MYCBP2: variants seen among roughly 807,000 people sequenced by gnomAD.
MYCBP2 encodes MYC binding protein 2, also known as E3 ubiquitin-protein ligase MYCBP2.
MYCBP2 carries 120 observed loss-of-function variants against 525.3 expected under a neutral mutation model. The observed-to-expected ratio is 0.23, with a 90% CI of 0.20 to 0.27. The LOEUF (loss-of-function observed/expected upper bound fraction) is 0.27. MYCBP2 is among the 10% of genes least tolerant of loss of function. The pLI is 1.00. For synonymous variants in MYCBP2, 1,894 were observed against 1,955.8 expected, an observed-to-expected ratio of 0.97 and a Z score of 0.83; for missense variants, 4,149 against 5,657.1, an observed-to-expected ratio of 0.73 and a Z score of 8.55.
At chr13:77,175,447 G>T (rs1194564424) in intron 36 of MYCBP2, among the ~76,000 whole-genome samples, 1 of 152,060 alleles carries the variant, frequency 6.6e-6, no homozygotes, top group East Asian at 1.9e-4. Flanking sequence ...GTGAGCTATA[G>T]AAACTAATGC....
At chr13:77,233,306 A>G (rs1566995640) in intron 17 of MYCBP2, 43 bp from the exon 18 acceptor site, 1 of 1,395,584 alleles carries the variant, frequency 7.2e-7, no homozygotes, top group Non-Finnish European at 1.0e-6. Context: ...AACTCACAAA[A>G]TGAAAACACT....
chr13:77,212,195 C>T lies in MYCBP2; in HGVS notation c.3058-35G>A, dbSNP rs556541741. 55 of 1,566,808 alleles carry T rather than the reference C, an allele frequency of 3.5e-5. No homozygotes were observed. The Middle Eastern group carries it at 8.4e-4, about 24-fold the overall frequency. ...TAAATAAACCATATTAGCAATATTG[C>T]TGTGTAAACAATCTAATTTTCATAA... On this transcript the variant is annotated intron_variant, in intron 21 of 82. Coordinates refer to ENST00000544440, the MANE Select transcript of MYCBP2 (RefSeq NM_015057.5).
chr13:77,325,960 C>T (rs1317943308), intron 1 of MYCBP2, among the ~76,000 whole-genome samples: 1 of 152,138 alleles, frequency 6.6e-6, no homozygotes, highest in Non-Finnish European at 1.5e-5. Context: ...TACCATGACT[C>T]CTCTTGGTGA....
Position 77,061,209 on chromosome 13 carries a change from A to G in MYCBP2, c.12996T>C (p.Ser4332=). 6.2e-7 allele frequency: 1 copy of G among 1,611,980 alleles called. No homozygotes were observed. ...ATTCCACCATTGCCTTCATTGTTTT[A>G]GAATCTGCCAGTGCCATCAACCAGA... ...KLFWLMALAD[S]KTMKAMVEFR... Residue 4332 remains serine, a synonymous_variant, in exon 76 of 83, where the codon TCT becomes TCC. Transcript: ENST00000544440.
intron 1 of MYCBP2, among the ~76,000 whole-genome samples, chr13:77,315,894 C>CAAAA (rs34819956): frequency 1.1e-5 from 1 of 94,270 alleles, no homozygotes; most frequent in Non-Finnish European, 2.2e-5. Context: ...GGCTCTGTCT[C>CAAAA]AAAAAAAAAA....
At chr13:77,300,214 C>A (rs2078627516) in intron 1 of MYCBP2, among the ~76,000 whole-genome samples, 1 of 152,104 alleles carries the variant, frequency 6.6e-6, no homozygotes, top group Non-Finnish European at 1.5e-5. Flanking sequence ...TGCTTAATTT[C>A]TCTTAGTAAT....
chr13:77,322,986 T>C (rs1442890447), intron 1 of MYCBP2, among the ~76,000 whole-genome samples: 3 of 152,178 alleles, frequency 2.0e-5, no homozygotes, highest in Non-Finnish European at 4.4e-5. Context: ...TAAGACATGA[T>C]CCTTGCCTTC....
intron 18 of MYCBP2, among the ~76,000 whole-genome samples, chr13:77,227,723 T>A (rs915597259): frequency 3.9e-5 from 6 of 152,218 alleles, no homozygotes; most frequent in African/African-American, 1.4e-4. Flanking sequence ...TGCCTAGTTA[T>A]AAGGTTTTAC....
In MYCBP2 at chr13:77,243,915, A is replaced by G. The variant is rs1010450939; in HGVS notation, c.2418T>C (p.Ala806=). 5.4e-5 allele frequency: 87 copies of G among 1,607,302 alleles called. No individual in the cohort carries two copies. Among genetic ancestry groups the G allele is most frequent in the Non-Finnish European group, 7.2e-5 (85 of 1,176,984 alleles). The change falls in exon 16 of 83, where the codon GCT becomes GCC. Residue 806 remains alanine (A), a synonymous_variant. Transcript: ENST00000544440. Reference sequence around the variant, plus strand: ...CACAGGCCTTGCAACATCCACACACAGCACAACCAGATTCTCCGGAACCAC... The same window carrying G: ...CACAGGCCTTGCAACATCCACACACGGCACAACCAGATTCTCCGGAACCAC... ...CGCGSGESGC[A]VCGCCKACAR... is the part of the protein sequence containing the mutation.
rs368061872 is a variant in MYCBP2 at position 77,097,955 on chromosome 13, G to A, written c.9199C>T (p.Pro3067Ser). 1.3e-5 allele frequency: 21 copies of A among 1,613,216 alleles called. No homozygotes were observed. The highest frequency in any genetic ancestry group is 1.8e-5 in the Non-Finnish European group (21 of 1,179,728). Residue 3067 changes from proline to serine, a missense_variant, in exon 56 of 83, where the codon CCT becomes TCT. Pro to Ser is a moderately conservative substitution (Grantham distance 74). Coordinates refer to ENST00000544440, the MANE Select transcript of MYCBP2 (RefSeq NM_015057.5). ...FHPELSKEHA[P>S]IRSSLNSQQP... ...TGGCTATTTAAACTACTCCTTATAG[G>A]AGCATGTTCTTTGGAAAGTTCAGGA...
At chr13:77,104,884 A>G (rs1410396896) in intron 55 of MYCBP2, among the ~76,000 whole-genome samples, 1 of 152,110 alleles carries the variant, frequency 6.6e-6, no homozygotes. Flanking sequence ...AAGTTTTAAA[A>G]AGTTAAATTT....
chr13:77,145,995 ATTCT>A (rs1422480336), intron 48 of MYCBP2, among the ~76,000 whole-genome samples, 163 bp downstream of exon 48: 1 of 152,038 alleles, frequency 6.6e-6, no homozygotes, highest in Admixed American at 6.6e-5. Flanking sequence ...ATGTAAACAC[ATTCT>A]TTCTGCAAAT....
At chr13:77,200,454 T>C (rs1309421736) in intron 26 of MYCBP2, among the ~76,000 whole-genome samples, 2 of 151,888 alleles carry the variant, frequency 1.3e-5, no homozygotes, top group East Asian at 1.9e-4. Flanking sequence ...TGGAACCAAG[T>C]TGGAAAACAC....
At position 77,049,774 on chromosome 13, in the gene MYCBP2, T is replaced by A. The variant is rs552727020; in HGVS notation, c.13921+1223A>T. On this transcript the variant is annotated intron_variant, in intron 82 of 82. Transcript: ENST00000544440. ...CCTCAGCCTCGTGAGTAGCTCGGAT[T>A]ACAGGTACCCGCCACCATGCCTGGC... Among the ~76,000 whole-genome samples the A allele has an allele frequency of 4.5e-4, 69 of 152,220 alleles. 2 individuals are homozygous for A. The South Asian group carries it at 0.014, about 32-fold the overall frequency.
At chr13:77,272,015 T>TAG (rs2074967874) in intron 5 of MYCBP2, among the ~76,000 whole-genome samples, 1 of 152,318 alleles carries the variant, frequency 6.6e-6, no homozygotes, top group African/African-American at 2.4e-5. Flanking sequence ...GGCAGGTCTG[T>TAG]AGAGAACTGC....
chr13:77,078,305 T>C (rs1241513705), intron 66 of MYCBP2, among the ~76,000 whole-genome samples: 1 of 152,164 alleles, frequency 6.6e-6, no homozygotes, highest in African/African-American at 2.4e-5. Context: ...AGGAACAGAT[T>C]TGACAAAGTT....
At chr13:77,096,131 T>G (rs2154126547) in intron 57 of MYCBP2, among the ~76,000 whole-genome samples, 181 bp downstream of exon 57, 1 of 152,276 alleles carries the variant, frequency 6.6e-6, no homozygotes, top group Non-Finnish European at 1.5e-5. Context: ...TATAGTTAAT[T>G]TTTAAAATTA....
chr13:77,051,264 A>G, intron 81 of MYCBP2, 102 bp from the exon 82 acceptor site: 1 of 1,013,814 alleles, frequency 9.9e-7, no homozygotes. Context: ...TCATATTTTG[A>G]GGGCCTACAT....
At chr13:77,144,341 A>C in intron 49 of MYCBP2, 104 bp downstream of exon 49, 1 of 738,300 alleles carries the variant, frequency 1.4e-6, no homozygotes, top group Non-Finnish European at 2.4e-6. Flanking sequence ...TATGAAACCT[A>C]TCCATATGTC....
Sources: gnomAD v4.1 joint callset for allele counts (sites outside exome capture counted in the v4.1 genomes callset) on GRCh38, gnomAD v4.1.1 for gene constraint, MANE v1.5 for transcripts, NCBI Gene and HGNC (gene_info 2026-07-23, HGNC 2026-07-21) for gene names.